The following RAPH1 variants were observed in gnomAD, a reference collection of about 807,000 sequenced individuals.
RAPH1 encodes the protein Ras association (RalGDS/AF-6) and pleckstrin homology domains 1, also known as ras-associated and pleckstrin homology domains-containing protein 1.
RAPH1 carries 18 observed loss-of-function variants against 88.1 expected under a neutral mutation model. The observed-to-expected ratio is 0.20, with a 90% CI of 0.14 to 0.30. The LOEUF (loss-of-function observed/expected upper bound fraction) is 0.30. Among genes scored for constraint, RAPH1 ranks in the 10% least tolerant of loss-of-function variants. The pLI, the probability that RAPH1 is intolerant of heterozygous loss-of-function variation, is 1.00. For synonymous variants in RAPH1, 587 were observed against 559.0 expected (o/e 1.05, Z -0.71); for missense variants, 1,448 against 1,543.2 (o/e 0.94, Z 1.03).
chr2:203,527,087 C>A (rs1298780396), intron 1 of RAPH1, among the ~76,000 whole-genome samples: 1 of 152,062 alleles, frequency 6.6e-6, no homozygotes, highest in African/African-American at 2.4e-5. Flanking sequence ...CTTGGCCTAA[C>A]AATACTTCAG....
At chr2:203,471,354 T>C (rs1173230599) in intron 4 of RAPH1, among the ~76,000 whole-genome samples, 1 of 152,072 alleles carries the variant, frequency 6.6e-6, no homozygotes, top group East Asian at 1.9e-4. Flanking sequence ...AGAAAGTACA[T>C]GGCCCCTAGC....
At chr2:203,489,506 G>T in intron 4 of RAPH1, 78 bp downstream of exon 4, 1 of 1,068,760 alleles carries the variant, frequency 9.4e-7, no homozygotes. Flanking sequence ...AATTTAAGAA[G>T]TTAATTAAAA....
In RAPH1 at chr2:203,518,225, A is replaced by G. The variant is rs1208652062; in HGVS notation, c.-1+16886T>C. Among the ~76,000 whole-genome samples, 4 of 152,196 alleles carry G rather than the reference A, an allele frequency of 2.6e-5. No homozygotes were observed. In the East Asian group the frequency reaches 7.7e-4, roughly 29 times the overall value. On this transcript the variant is annotated intron_variant, in intron 1 of 13. Coordinates refer to ENST00000319170, the MANE Select transcript of RAPH1 (RefSeq NM_213589.3). ...CAGACATTAAAAGGAAAATAAAAGA[A>G]TACTATAAGGCTGGGCACAGTGGTG...
At chr2:203,525,548 T>C (rs1224439207) in intron 1 of RAPH1, among the ~76,000 whole-genome samples, 1 of 151,586 alleles carries the variant, frequency 6.6e-6, no homozygotes, top group Non-Finnish European at 1.5e-5. Context: ...AGCAACAACA[T>C]GGATGAATCT....
intron 1 of RAPH1, among the ~76,000 whole-genome samples, chr2:203,529,823 CT>C (rs1690310044): frequency 6.6e-6 from 1 of 152,182 alleles, no homozygotes; most frequent in African/African-American, 2.4e-5. Context: ...GCTTCCTGAT[CT>C]TGTTTTTCTT....
intron 2 of RAPH1, among the ~76,000 whole-genome samples, chr2:203,494,017 ATCCCCC>A (rs1688399214): frequency 2.7e-4 from 35 of 129,764 alleles, no homozygotes; most frequent in Middle Eastern, 4.2e-3. Context: ...AAAAAAAAAA[ATCCCCC>A]CAAAATACAG....
chr2:203,516,496 T>C (rs1689613007), intron 1 of RAPH1, among the ~76,000 whole-genome samples: 1 of 152,226 alleles, frequency 6.6e-6, no homozygotes, highest in African/African-American at 2.4e-5. Flanking sequence ...ACGCCTGTAA[T>C]CCCAGATTTT....
At chr2:203,469,241 G>T (rs1170991651) in intron 4 of RAPH1, among the ~76,000 whole-genome samples, 1 of 152,018 alleles carries the variant, frequency 6.6e-6, no homozygotes, top group Non-Finnish European at 1.5e-5. Context: ...AAAGGAAAAA[G>T]AGCTAGACTT....
intron 1 of RAPH1, among the ~76,000 whole-genome samples, chr2:203,506,806 CTATATCTA>C (rs1306310789): frequency 6.6e-5 from 6 of 90,542 alleles, no homozygotes; most frequent in African/African-American, 1.7e-4. Context: ...ATATATATAT[CTATATCTA>C]TATATCTATA....
At position 203,530,733 on chromosome 2, in the gene RAPH1, A is replaced by G. The variant is rs185729798; in HGVS notation, c.-1+4378T>C. Among the ~76,000 whole-genome samples, 118 of 152,206 alleles carry G rather than the reference A, an allele frequency of 7.8e-4. 1 individual carries two copies. The highest frequency in any genetic ancestry group is 3.4e-3 in the Middle Eastern group (1 of 294). On this transcript the variant is annotated intron_variant, in intron 1 of 13. Transcript: ENST00000319170. ...ATGATGAAACTCTGTCTCTACTAAA[A>G]ATACAAAAATGAGCTGGGCACGGTG...
intron 9 of RAPH1, 106 bp downstream of exon 9, chr2:203,455,331 G>A (rs1403684040): frequency 1.9e-6 from 2 of 1,047,082 alleles, no homozygotes; most frequent in African/African-American, 1.6e-5. Flanking sequence ...TGTCTTCCAC[G>A]AACTGAAACA....
At chr2:203,470,029 T>C (rs1030469512) in intron 4 of RAPH1, among the ~76,000 whole-genome samples, 3 of 152,194 alleles carry the variant, frequency 2.0e-5, no homozygotes, top group Non-Finnish European at 4.4e-5. Context: ...GTTTAAAAAC[T>C]AATGAAAATT....
intron 4 of RAPH1, among the ~76,000 whole-genome samples, chr2:203,473,074 G>T (rs1034433665): frequency 6.6e-6 from 1 of 152,128 alleles, no homozygotes; most frequent in Non-Finnish European, 1.5e-5. Context: ...GGATGGTTAC[G>T]TAGCTATTCA....
At chr2:203,505,027 T>C (rs1192598118) in intron 1 of RAPH1, among the ~76,000 whole-genome samples, 1 of 152,180 alleles carries the variant, frequency 6.6e-6, no homozygotes, top group Admixed American at 6.5e-5. Flanking sequence ...ATTCAACAAG[T>C]CTCCAGACAG....
At chr2:203,460,095 T>TTG (rs2098523140) in intron 6 of RAPH1, 67 bp from the exon 7 acceptor site, 1 of 1,404,880 alleles carries the variant, frequency 7.1e-7, no homozygotes, top group African/African-American at 1.5e-5. Flanking sequence ...ACATGAAACT[T>TTG]TGTGAAGTAG....
In RAPH1 at chr2:203,441,996, C is replaced by T. The variant is rs2098504689; in HGVS notation, c.1777-583G>A. 7.2e-6 allele frequency: 11 copies of T among 1,538,044 alleles called. No individual in the cohort carries two copies. The East Asian group carries it at 2.1e-4, about 30-fold the overall frequency. ...AATGAATAAGCTTGACACACACACTCGTGTTGGTGTGAGACAATTGCATCC... is the reference window on the plus strand; with the variant it reads ...AATGAATAAGCTTGACACACACACTTGTGTTGGTGTGAGACAATTGCATCC... On this transcript the variant is annotated intron_variant, in intron 13 of 13. Coordinates refer to ENST00000319170, the MANE Select transcript of RAPH1 (RefSeq NM_213589.3).
rs758625999 is a variant in RAPH1 at position 203,439,801 on chromosome 2, C to T, written c.3389G>A (p.Ser1130Asn). 2.5e-6 allele frequency: 4 copies of T among 1,613,930 alleles called. No homozygotes were observed. Among genetic ancestry groups the T allele is most frequent in the South Asian group, 1.1e-5 (1 of 91,078 alleles). The stretch of plus-strand genomic sequence containing the variant: ...AATCTCAGCTTGAGTGAGGCGGGTG[C>T]TATCATTCCGTTTGGGTCGTGTGGG... ...PPPTRPKRND[S>N]TRLTQAEISE... Residue 1130 changes from serine to asparagine, a missense_variant, in exon 14 of 14, where the codon AGC becomes AAC. Ser to Asn is a conservative substitution (Grantham distance 46). Coordinates refer to ENST00000319170, the MANE Select transcript of RAPH1 (RefSeq NM_213589.3).
chr2:203,446,149 C>T (rs898171044), intron 12 of RAPH1: 3 of 152,212 alleles, frequency 2.0e-5, no homozygotes, highest in African/African-American at 7.2e-5. Flanking sequence ...CACAGTTAGT[C>T]ATCATGTCTC....
intron 1 of RAPH1, among the ~76,000 whole-genome samples, chr2:203,534,669 T>C (rs1044367999): frequency 6.6e-6 from 1 of 152,158 alleles, no homozygotes; most frequent in South Asian, 2.1e-4. Flanking sequence ...ATCTCTGCAC[T>C]GAACTCATCT....
Sources: allele counts gnomAD v4.1 joint callset (sites outside exome capture counted in the v4.1 genomes callset), GRCh38; gene constraint gnomAD v4.1.1; transcripts MANE v1.5; gene names NCBI Gene and HGNC (gene_info 2026-07-23, HGNC 2026-07-21).